GABRB1: variants seen among roughly 807,000 people sequenced by gnomAD.
The protein encoded by GABRB1 is gamma-aminobutyric acid receptor subunit beta-1.
A neutral mutation model predicts 51.6 loss-of-function variants in GABRB1; 17 were observed. The ratio of observed to expected loss-of-function variants is 0.33; its 90% confidence interval spans 0.23 to 0.49. The LOEUF (loss-of-function observed/expected upper bound fraction) is 0.49, where lower values mean the gene tolerates loss of function less well. Among genes scored for constraint, GABRB1 ranks in the 20% least tolerant of loss-of-function variants. The pLI is 0.99. For missense variants in GABRB1, 410 were observed against 600.6 expected (o/e 0.68, Z 3.32); for synonymous variants, 247 against 218.9 (o/e 1.13, Z -1.14).
chr4:47,111,402 A>T (rs1432988646), intron 3 of GABRB1, among the ~76,000 whole-genome samples: 1 of 151,666 alleles, frequency 6.6e-6, no homozygotes, highest in African/African-American at 2.4e-5. Flanking sequence ...ATATCTATAA[A>T]TCCATATCTA....
At chr4:47,341,346 T>G (rs1469310820) in intron 5 of GABRB1, among the ~76,000 whole-genome samples, 2 of 152,092 alleles carry the variant, frequency 1.3e-5, no homozygotes, top group Admixed American at 1.3e-4. Context: ...GGCCATGCTC[T>G]CTGGAAATTA....
intron 3 of GABRB1, among the ~76,000 whole-genome samples, chr4:47,125,573 T>TTTTTTTTTTTTTTTA (rs1716090210): frequency 2.4e-5 from 3 of 123,212 alleles, no homozygotes; most frequent in East Asian, 2.3e-4. Flanking sequence ...TTTTTTTTTT[T>TTTTTTTTTTTTTTTA]GAGACGGAGT....
At chr4:47,386,726 A>G (rs1727806785) in intron 5 of GABRB1, among the ~76,000 whole-genome samples, 1 of 152,200 alleles carries the variant, frequency 6.6e-6, no homozygotes, top group South Asian at 2.1e-4. Context: ...CCATTGTCCA[A>G]GAAGGAAGGA....
At chr4:47,313,927 C>T (rs1292289778) in intron 4 of GABRB1, among the ~76,000 whole-genome samples, 1 of 151,960 alleles carries the variant, frequency 6.6e-6, no homozygotes. Flanking sequence ...TCAAGTTAGA[C>T]CAGTGAAATC....
intron 1 of GABRB1, among the ~76,000 whole-genome samples, chr4:47,006,037 CTTTTG>C (rs1724388710): frequency 1.4e-5 from 2 of 147,688 alleles, no homozygotes; most frequent in Admixed American, 6.8e-5. Context: ...GCAATAATTT[CTTTTG>C]TTTTATTTTG....
intron 1 of GABRB1, among the ~76,000 whole-genome samples, chr4:47,012,077 C>T (rs1210527733): frequency 2.0e-5 from 3 of 152,136 alleles, no homozygotes; most frequent in Non-Finnish European, 4.4e-5. Context: ...TGAAAGTAAA[C>T]ACCATATTGA....
At chr4:47,058,832 G>A (rs769930328) in intron 3 of GABRB1, among the ~76,000 whole-genome samples, 3 of 152,094 alleles carry the variant, frequency 2.0e-5, no homozygotes, top group Non-Finnish European at 2.9e-5. Context: ...TAGATATAAA[G>A]TTTTAATCAC....
At chr4:47,231,522 A>G (rs529000880) in intron 4 of GABRB1, among the ~76,000 whole-genome samples, 1 of 152,330 alleles carries the variant, frequency 6.6e-6, no homozygotes, top group East Asian at 1.9e-4. Context: ...ACTTAGAAGG[A>G]AATAAAAATT....
At chr4:47,097,414 T>G (rs1714498153) in intron 3 of GABRB1, among the ~76,000 whole-genome samples, 1 of 152,118 alleles carries the variant, frequency 6.6e-6, no homozygotes, top group African/African-American at 2.4e-5. Context: ...CAATAACACC[T>G]AATCAAGTGA....
intron 1 of GABRB1, among the ~76,000 whole-genome samples, chr4:46,999,079 A>G (rs1178340640): frequency 6.6e-6 from 1 of 152,168 alleles, no homozygotes; most frequent in Non-Finnish European, 1.5e-5. Flanking sequence ...TAAGAAACAC[A>G]TTTATTTTCA....
chr4:47,177,094 G>T (rs924987241), intron 4 of GABRB1, among the ~76,000 whole-genome samples: 36 of 152,112 alleles, frequency 2.4e-4, no homozygotes, highest in African/African-American at 7.9e-4. Context: ...CTCAGTCCTG[G>T]ATAACACATT....
At chr4:47,240,988 A>G (rs182653625) in intron 4 of GABRB1, among the ~76,000 whole-genome samples, 29 of 152,302 alleles carry the variant, frequency 1.9e-4, no homozygotes, top group African/African-American at 5.8e-4. Context: ...AGAAAAAGCC[A>G]CAGAAAATCC....
intron 4 of GABRB1, among the ~76,000 whole-genome samples, chr4:47,297,099 C>T (rs201376978): frequency 6.6e-6 from 1 of 151,984 alleles, no homozygotes; most frequent in Non-Finnish European, 1.5e-5. Flanking sequence ...CTCTGGGACA[C>T]ATTCAAAGCA....
At chr4:47,303,444 G>A (rs1234521551) in intron 4 of GABRB1, among the ~76,000 whole-genome samples, 1 of 150,624 alleles carries the variant, frequency 6.6e-6, no homozygotes, top group African/African-American at 2.4e-5. Context: ...ACTTACATAG[G>A]AAATAATATC....
chr4:47,311,297 A>C (rs1270103598), intron 4 of GABRB1, among the ~76,000 whole-genome samples: 1 of 149,260 alleles, frequency 6.7e-6, no homozygotes. Flanking sequence ...TTGTAATCCC[A>C]GCTACTGGGG....
chr4:47,339,541 A>ATATGTGTG (rs1725809446), intron 5 of GABRB1, among the ~76,000 whole-genome samples: 1 of 148,362 alleles, frequency 6.7e-6, no homozygotes, highest in Non-Finnish European at 1.5e-5. Context: ...ATGTGTGCAT[A>ATATGTGTG]TGTGTGTGTG....
intron 4 of GABRB1, among the ~76,000 whole-genome samples, chr4:47,212,082 G>A (rs1371508198): frequency 6.6e-6 from 1 of 151,814 alleles, no homozygotes; most frequent in African/African-American, 2.4e-5. Flanking sequence ...AGTGGCAAAG[G>A]GAATGGAACA....
At chr4:47,047,694 T>C (rs116421885) in intron 3 of GABRB1, among the ~76,000 whole-genome samples, 2,171 of 152,254 alleles carry the variant, frequency 0.014, 41 homozygotes, top group African/African-American at 0.05. Flanking sequence ...AGTTAAACTT[T>C]ATAAAAGTAA....
At chr4:47,352,591 G>A (rs1382356193) in intron 5 of GABRB1, among the ~76,000 whole-genome samples, 1 of 152,128 alleles carries the variant, frequency 6.6e-6, no homozygotes, top group African/African-American at 2.4e-5. Context: ...CTTCATCCCT[G>A]GGATGCAAGG....
Sources: gnomAD v4.1 joint callset for allele counts (sites outside exome capture counted in the v4.1 genomes callset) on GRCh38, gnomAD v4.1.1 for gene constraint, MANE v1.5 for transcripts, NCBI Gene and HGNC (gene_info 2026-07-23, HGNC 2026-07-21) for gene names.